The following ITGB8 variants were observed in gnomAD, a reference collection of about 807,000 sequenced individuals.
ITGB8 encodes the protein integrin subunit beta 8, also known as integrin beta-8.
In ITGB8, 30 loss-of-function variants were observed where a neutral mutation model predicts 89.5. The ratio of observed to expected loss-of-function variants is 0.34; its 90% CI spans 0.25 to 0.45. The LOEUF (loss-of-function observed/expected upper bound fraction) is 0.45, where lower values mean the gene tolerates loss of function less well. Among genes scored for constraint, ITGB8 ranks in the 20% least tolerant of loss-of-function variants. The pLI is 1.00. For missense variants in ITGB8, 836 were observed against 933.3 expected, an observed-to-expected ratio of 0.90 and a Z score of 1.36; for synonymous variants, 335 against 320.4, an observed-to-expected ratio of 1.05 and a Z score of -0.49.
chr7:20,340,252 G>T (rs1486606360), intron 1 of ITGB8, among the ~76,000 whole-genome samples: 2 of 152,098 alleles, frequency 1.3e-5, no homozygotes, highest in Non-Finnish European at 2.9e-5. Context: ...GATAAATATT[G>T]GTATCGTTTG....
In ITGB8 at chr7:20,414,979, A is replaced by G. The variant is rs1787882457; in HGVS notation, c.*4982A>G. On this transcript the variant is annotated 3_prime_UTR_variant, in exon 14 of 14. Coordinates refer to ENST00000222573, the MANE Select transcript of ITGB8 (RefSeq NM_002214.3). ...TACTTCAGTTAAAATTGTCTAATAC[A>G]GCAATATTTAAAAAAAAAACACTGC... is the stretch of plus-strand genomic sequence containing the variant. 1.1e-5 allele frequency: 1 copy of G among 93,826 alleles called. No individual in the cohort carries two copies. The highest frequency in any genetic ancestry group is 2.2e-5 in the Non-Finnish European group (1 of 46,408). The allele number at this position is 93,826 out of a possible 1,614,324, so 5.8% of individuals were successfully genotyped here.
Position 20,366,392 on chromosome 7 carries a change from C to T in ITGB8, c.214-620C>T, listed in dbSNP as rs570430122. On this transcript the variant is annotated intron_variant, in intron 2 of 13. Coordinates refer to ENST00000222573, the MANE Select transcript of ITGB8 (RefSeq NM_002214.3). Reference sequence around the variant, plus strand: ...TGTTTGGAAGTCAAAAAGACCCAGGCGTGGGTAGGAAAAAAAAAGTTTTCA... The same window carrying T: ...TGTTTGGAAGTCAAAAAGACCCAGGTGTGGGTAGGAAAAAAAAAGTTTTCA... The T allele has an allele frequency of 6.6e-5, 10 of 151,862 alleles. No individual in the cohort carries two copies. In the South Asian group the frequency reaches 1.7e-3, roughly 25 times the overall value. The allele number at this position is 151,862 out of a possible 1,614,324, so 9.4% of individuals were successfully genotyped here. A position where few individuals can be genotyped will look rare whatever the true frequency, so the allele number is the denominator to read the frequency against.
chr7:20,379,637 T>A (rs553167381), intron 4 of ITGB8: 1 of 153,182 alleles, frequency 6.5e-6, no homozygotes, highest in East Asian at 1.9e-4. Flanking sequence ...AATTCTGTAT[T>A]TTTATTTTTT....
rs1218527045 is a variant in ITGB8 at position 20,379,091 on chromosome 7, G to A, written c.429G>A (p.Lys143=). 6 of 1,599,554 alleles carry A rather than the reference G, an allele frequency of 3.8e-6. No homozygotes were observed. The highest frequency in any genetic ancestry group is 5.1e-6 in the Non-Finnish European group (6 of 1,171,556). Residue 143 remains lysine (K), a synonymous_variant, in exon 4 of 14, where the codon AAG becomes AAA. Coordinates refer to ENST00000222573, the MANE Select transcript of ITGB8 (RefSeq NM_002214.3). ...ANFMLKVHPL[K]KYPVDLYYLV... ...TTATGCTGAAAGTTCATCCTCTGAAGAAATATCCTGTGGATCTTTATTATC... is the reference window on the plus strand; with the variant it reads ...TTATGCTGAAAGTTCATCCTCTGAAAAAATATCCTGTGGATCTTTATTATC...
rs769245814 is a variant in ITGB8 at position 20,409,767 on chromosome 7, G to A, written c.2176G>A (p.Ala726Thr). Residue 726 changes from alanine to threonine, a missense_variant, in exon 13 of 14, where the codon GCC (alanine) becomes ACC (threonine). Physicochemically the swap from Ala to Thr is moderately conservative, Grantham distance 58 (BLOSUM62 0). Around this residue, in one of 5 missense-constraint regions of ITGB8, gnomAD observed 422 missense variants for 416.9 expected, o/e 1.01. Transcript: ENST00000222573. Reference protein sequence around the residue: ...IKSSSDYRVSASKKDKLILQS... With the variant: ...IKSSSDYRVSTSKKDKLILQS... Reference sequence around the variant, plus strand: ...GTCCTCATCAGATTACAGAGTGTCAGCCTCAAAAAAGGTCAGTGAATTCTA... The same window carrying A: ...GTCCTCATCAGATTACAGAGTGTCAACCTCAAAAAAGGTCAGTGAATTCTA... The A allele has an allele frequency of 3.1e-6, 5 of 1,612,804 alleles. No individual in the cohort carries two copies. In the East Asian group the frequency reaches 8.9e-5, roughly 29 times the overall value.
At chr7:20,382,435 G>A (rs957740881) in intron 6 of ITGB8, among the ~76,000 whole-genome samples, 1 of 152,160 alleles carries the variant, frequency 6.6e-6, no homozygotes, top group Non-Finnish European at 1.5e-5. Context: ...CTGAGGGTTA[G>A]TATAAGCTCT....
chr7:20,367,331 T>C (rs1785740972), intron 3 of ITGB8, 145 bp downstream of exon 3: 1 of 665,924 alleles, frequency 1.5e-6, no homozygotes, highest in Non-Finnish European at 2.6e-6. Flanking sequence ...ATTAGAATTC[T>C]AGTCTTTATA....
At chr7:20,350,250 C>A (rs934910670) in intron 1 of ITGB8, among the ~76,000 whole-genome samples, 3 of 152,140 alleles carry the variant, frequency 2.0e-5, no homozygotes, top group African/African-American at 7.2e-5. Context: ...CAGGTTGAAG[C>A]GATTCTCCTG....
At chr7:20,404,029 A>G (rs1476017697) in intron 10 of ITGB8, among the ~76,000 whole-genome samples, 1 of 152,176 alleles carries the variant, frequency 6.6e-6, no homozygotes, top group African/African-American at 2.4e-5. Flanking sequence ...CCATCTAAGA[A>G]CTGCTCACAG....
At chr7:20,346,983 T>A in intron 1 of ITGB8, 1 of 382,668 alleles carries the variant, frequency 2.6e-6, no homozygotes, top group Non-Finnish European at 3.6e-6. Context: ...GGAAAATGAC[T>A]AGGTCATGAA....
intron 6 of ITGB8, among the ~76,000 whole-genome samples, chr7:20,382,894 G>A (rs1786457772): frequency 6.6e-6 from 1 of 152,190 alleles, no homozygotes; most frequent in South Asian, 2.1e-4. Context: ...GCTTGGTAAA[G>A]ATTAATGTCA....
At chr7:20,344,295 ATT>A (rs3834354) in intron 1 of ITGB8, among the ~76,000 whole-genome samples, 2 of 151,806 alleles carry the variant, frequency 1.3e-5, no homozygotes, top group Admixed American at 1.3e-4. Flanking sequence ...AATTTTTCTC[ATT>A]TTTTTAGGAG....
In ITGB8 at chr7:20,348,486, T is replaced by A. The variant is rs886599783; in HGVS notation, c.128-15151T>A. On this transcript the variant is annotated intron_variant, in intron 1 of 13. Transcript: ENST00000222573. ...CTCTTGAATTTGTTATTTATTCTGCTTCTCTTTGGTTTTTCATATCTAAGA... is the reference window on the plus strand; with the variant it reads ...CTCTTGAATTTGTTATTTATTCTGCATCTCTTTGGTTTTTCATATCTAAGA... Among the ~76,000 whole-genome samples, 4 of 152,356 alleles carry A rather than the reference T, an allele frequency of 2.6e-5. No individual in the cohort carries two copies. The South Asian group carries it at 8.3e-4, about 32-fold the overall frequency.
chr7:20,336,765 C>A lies in ITGB8; in HGVS notation c.127+4832C>A, dbSNP rs114010090. Among the ~76,000 whole-genome samples, 976 of 152,312 alleles carry A rather than the reference C, an allele frequency of 6.4e-3. 10 individuals are homozygous for A. Among genetic ancestry groups the A allele is most frequent in the African/African-American group, 0.022 (916 of 41,556 alleles). On this transcript the variant is annotated intron_variant, in intron 1 of 13. Coordinates refer to ENST00000222573, the MANE Select transcript of ITGB8 (RefSeq NM_002214.3). ...TTGCTATGGACACACCCACCTGTGA[C>A]CTCCTTGAGGGAAGAAGCTGCCTGT...
intron 1 of ITGB8, among the ~76,000 whole-genome samples, chr7:20,362,912 T>A (rs775755025): frequency 2.0e-5 from 3 of 152,224 alleles, no homozygotes; most frequent in African/African-American, 4.8e-5. Context: ...GGCACTACTA[T>A]GTTATTAAAA....
intron 3 of ITGB8, among the ~76,000 whole-genome samples, chr7:20,374,916 G>T (rs1420979032): frequency 6.6e-6 from 1 of 152,098 alleles, no homozygotes; most frequent in Non-Finnish European, 1.5e-5. Flanking sequence ...GATAATGATG[G>T]CTGGAAAATG....
chr7:20,342,711 A>C (rs1174482010), intron 1 of ITGB8, among the ~76,000 whole-genome samples: 1 of 152,086 alleles, frequency 6.6e-6, no homozygotes, highest in African/African-American at 2.4e-5. Context: ...GGTGTGCAAA[A>C]GTGAAAGGTG....
In ITGB8 at chr7:20,410,084, C is replaced by T; in HGVS notation, c.*87C>T. The T allele has an allele frequency of 7.3e-7, 1 of 1,360,994 alleles. No individual in the cohort carries two copies. Among genetic ancestry groups the T allele is most frequent in the Non-Finnish European group, 1.0e-6 (1 of 983,288 alleles). The allele number at this position is 1,360,994 out of a possible 1,614,324, so 84.3% of individuals were successfully genotyped here. A position where few individuals can be genotyped will look rare whatever the true frequency, so the allele number is the denominator to read the frequency against. ...TAATTTTAAAAGTCACAGGAGGAGA[C>T]AAATTGCTCACGGTCATGCCAGTTG... On this transcript the variant is annotated 3_prime_UTR_variant, in exon 14 of 14. Coordinates refer to ENST00000222573, the MANE Select transcript of ITGB8 (RefSeq NM_002214.3).
At position 20,331,896 on chromosome 7, in the gene ITGB8, C is replaced by A. The variant is rs112119749; in HGVS notation, c.90C>A (p.Ala30=). ...GTCCCGCCTCGTTCCTCTGGGCAGC[C>A]TGGGTGTTTTCACTTGTTCTTGGAC... ...RRGPASFLWA[A]WVFSLVLGLG... Residue 30 remains alanine (A), a synonymous_variant, in exon 1 of 14, where the codon GCC becomes GCA. Transcript: ENST00000222573. 562 of 1,614,186 alleles carry A rather than the reference C, an allele frequency of 3.5e-4. 1 individual carries two copies. Among genetic ancestry groups the A allele is most frequent in the Middle Eastern group, 3.3e-4 (2 of 6,008 alleles).
Sources: allele counts gnomAD v4.1 joint callset (sites outside exome capture counted in the v4.1 genomes callset), GRCh38; gene constraint gnomAD v4.1.1; regional missense constraint gnomAD v4.1.1; transcripts MANE v1.5; gene names NCBI Gene and HGNC (gene_info 2026-07-23, HGNC 2026-07-21).